The following NF1 variants were observed in gnomAD, a reference collection of about 807,000 sequenced individuals.
NF1 encodes the protein neurofibromin.
In NF1, 122 loss-of-function variants were observed where a neutral mutation model predicts 325.7. That is an observed-to-expected ratio of 0.37 (90% CI 0.32 to 0.44). The LOEUF (loss-of-function observed/expected upper bound fraction) is 0.44. Ranked by LOEUF, NF1 falls within the 20% of genes least tolerant of loss-of-function variation. The probability of loss-of-function intolerance (pLI) is 1.00; values close to 1 mark genes in which losing one functional copy is unlikely to be tolerated. For synonymous variants in NF1, 1,091 were observed against 1,186.0 expected, an observed-to-expected ratio of 0.92 and a Z score of 1.65; for missense variants, 2,140 against 3,415.4, an observed-to-expected ratio of 0.63 and a Z score of 9.31.
intron 1 of NF1, among the ~76,000 whole-genome samples, chr17:31,099,558 C>CT (rs34905795): frequency 0.017 from 2,055 of 123,908 alleles, 37 homozygotes; most frequent in African/African-American, 0.034. Flanking sequence ...AGGTGTGTAG[C>CT]TTTTTTTTTT....
chr17:31,186,274 C>G (rs2066237805), intron 8 of NF1, among the ~76,000 whole-genome samples: 1 of 152,178 alleles, frequency 6.6e-6, no homozygotes, highest in African/African-American at 2.4e-5. Context: ...TCCCTATGAT[C>G]AGTTGGCAGA....
chr17:31,359,085 T>A (rs2151586265), intron 56 of NF1, 70 bp downstream of exon 56: 1 of 1,207,648 alleles, frequency 8.3e-7, no homozygotes, highest in Non-Finnish European at 1.2e-6. Context: ...ATGCCTGCTT[T>A]AAGAACACAC....
rs762670418 is a variant in NF1 at position 31,304,339 on chromosome 17, T to G, written c.4836-21481T>G. ...AGAGTTGGGAGGAATAGAGAACTCCTGACACTGGATCTCAAGGTTGGAATC... is the reference window on the plus strand; with the variant it reads ...AGAGTTGGGAGGAATAGAGAACTCCGGACACTGGATCTCAAGGTTGGAATC... On this transcript the variant is annotated intron_variant, in intron 36 of 57. Transcript: ENST00000358273. 1.9e-6 allele frequency: 3 copies of G among 1,614,192 alleles called. No individual in the cohort carries two copies. The South Asian group carries it at 3.3e-5, about 18-fold the overall frequency.
In NF1 at chr17:31,174,776, T is replaced by A. The variant is rs139777055; in HGVS notation, c.586+4779T>A. Among the ~76,000 whole-genome samples, 1,027 of 152,240 alleles carry A rather than the reference T, an allele frequency of 6.7e-3. 17 individuals are homozygous for A. Among genetic ancestry groups the A allele is most frequent in the African/African-American group, 0.023 (962 of 41,536 alleles). The stretch of plus-strand genomic sequence containing the variant: ...TGTATCATACTAAAAATACATGATA[T>A]GTTTTAATAGTTTGTGTAATAGTTA... On this transcript the variant is annotated intron_variant, in intron 5 of 57. Coordinates refer to ENST00000358273, the MANE Select transcript of NF1 (RefSeq NM_001042492.3).
intron 46 of NF1, among the ~76,000 whole-genome samples, chr17:31,339,889 G>A (rs1434397171): frequency 6.6e-6 from 1 of 152,186 alleles, no homozygotes; most frequent in Non-Finnish European, 1.5e-5. Flanking sequence ...GAAAGGGAGA[G>A]AGCTGCACAA....
intron 36 of NF1, among the ~76,000 whole-genome samples, chr17:31,323,060 C>G (rs2069252511): frequency 6.6e-6 from 1 of 152,018 alleles, no homozygotes; most frequent in Non-Finnish European, 1.5e-5. Flanking sequence ...AACAATGATT[C>G]AGAAATGTTT....
At chr17:31,281,616 A>G (rs1159399922) in intron 36 of NF1, among the ~76,000 whole-genome samples, 1 of 152,002 alleles carries the variant, frequency 6.6e-6, no homozygotes, top group Non-Finnish European at 1.5e-5. Flanking sequence ...CTGCTTTTGC[A>G]TACTCTTTTC....
chr17:31,310,915 G>T (rs1430167246), intron 36 of NF1, among the ~76,000 whole-genome samples: 1 of 150,964 alleles, frequency 6.6e-6, no homozygotes, highest in African/African-American at 2.4e-5. Context: ...CAGTGAAGCA[G>T]GAGTCCCCGT....
intron 1 of NF1, among the ~76,000 whole-genome samples, chr17:31,118,470 G>A (rs976666529): frequency 6.6e-6 from 1 of 152,000 alleles, no homozygotes; most frequent in Non-Finnish European, 1.5e-5. Flanking sequence ...GGCCCAGTGT[G>A]TGATGTTCCC....
intron 36 of NF1, among the ~76,000 whole-genome samples, chr17:31,312,097 A>T (rs1261053304): frequency 6.6e-6 from 1 of 152,104 alleles, no homozygotes; most frequent in Non-Finnish European, 1.5e-5. Context: ...CATCAGATTT[A>T]TGTTTCTCAA....
At chr17:31,359,396 A>G in intron 56 of NF1, 1 of 229,860 alleles carries the variant, frequency 4.4e-6, no homozygotes, top group South Asian at 5.8e-5. Context: ...TTTTATTTCC[A>G]GCCTATTAGA....
chr17:31,289,686 C>T (rs1433767515), intron 36 of NF1, among the ~76,000 whole-genome samples: 1 of 152,090 alleles, frequency 6.6e-6, no homozygotes, highest in African/African-American at 2.4e-5. Flanking sequence ...GTCAGTGGGT[C>T]ATTGTTTACT....
chr17:31,295,178 C>T lies in NF1; in HGVS notation c.4835+29839C>T, dbSNP rs1567878953. 6.2e-7 allele frequency: 1 copy of T among 1,614,148 alleles called. No individual in the cohort carries two copies. Among genetic ancestry groups the T allele is most frequent in the South Asian group, 1.1e-5 (1 of 91,084 alleles). On this transcript the variant is annotated intron_variant, in intron 36 of 57. Coordinates refer to ENST00000358273, the MANE Select transcript of NF1 (RefSeq NM_001042492.3). Reference sequence around the variant, plus strand: ...CATTTCAGAGAAATTATTTGGCATGCCACTAGTGATACTTAGGGTCATGGG... The same window carrying T: ...CATTTCAGAGAAATTATTTGGCATGTCACTAGTGATACTTAGGGTCATGGG...
At position 31,344,714 on chromosome 17, in the gene NF1, C is replaced by G. The variant is rs2069925219; in HGVS notation, c.7189+1579C>G. On this transcript the variant is annotated intron_variant, in intron 48 of 57. Coordinates refer to ENST00000358273, the MANE Select transcript of NF1 (RefSeq NM_001042492.3). The stretch of plus-strand genomic sequence containing the variant: ...GGATTTCTCAAAAAATACTACCTTA[C>G]TAAAGGATACCAAGATAAGTAATTG... 2.6e-5 allele frequency among the ~76,000 whole-genome samples: 4 copies of G among 152,360 alleles called. No homozygotes were observed. The South Asian group carries it at 8.3e-4, about 32-fold the overall frequency.
Position 31,336,626 on chromosome 17 carries a change from T to C in NF1, c.6148-9T>C. The stretch of plus-strand genomic sequence containing the variant: ...TTTTTTTAAAAAAAAAAATCCTGCT[T>C]CTTTACAGGTTATTGGAAGGATGTG... On this transcript the variant is annotated splice_polypyrimidine_tract_variant and intron_variant, in intron 41 of 57. Transcript: ENST00000358273. The surrounding 1 kb of genome is among the most constrained non-coding windows in gnomAD (Gnocchi z 5.5). 6.3e-7 allele frequency: 1 copy of C among 1,598,072 alleles called. No homozygotes were observed. The highest frequency in any genetic ancestry group is 8.5e-7 in the Non-Finnish European group (1 of 1,172,760).
chr17:31,271,021 T>G (rs1219316552), intron 36 of NF1, among the ~76,000 whole-genome samples: 1 of 152,242 alleles, frequency 6.6e-6, no homozygotes, highest in Non-Finnish European at 1.5e-5. Context: ...GGTCATGTAC[T>G]TAATTCATGG....
At chr17:31,302,868 A>G (rs1213842555) in intron 36 of NF1, among the ~76,000 whole-genome samples, 1 of 152,142 alleles carries the variant, frequency 6.6e-6, no homozygotes, top group African/African-American at 2.4e-5. Flanking sequence ...AACTTTGAAG[A>G]ATACATGAAA....
chr17:31,344,715 T>A (rs990447438), intron 48 of NF1, among the ~76,000 whole-genome samples: 5 of 152,264 alleles, frequency 3.3e-5, no homozygotes, highest in African/African-American at 1.2e-4. Context: ...ACTACCTTAC[T>A]AAAGGATACC....
chr17:31,351,237 T>C (rs2070134456), intron 50 of NF1, among the ~76,000 whole-genome samples: 1 of 152,064 alleles, frequency 6.6e-6, no homozygotes, highest in South Asian at 2.1e-4. Flanking sequence ...AAAAAATCAG[T>C]GCAATAAGTT....
Sources: allele counts gnomAD v4.1 joint callset (sites outside exome capture counted in the v4.1 genomes callset), GRCh38; gene constraint gnomAD v4.1.1; non-coding constraint Gnocchi (gnomAD v3.1); transcripts MANE v1.5; gene names NCBI Gene and HGNC (gene_info 2026-07-23, HGNC 2026-07-21).